Variants in MYH8 observed in about 807,000 individuals in gnomAD.
MYH8 encodes the protein myosin heavy chain 8.
Under a neutral mutation model 233.2 loss-of-function variants are expected in MYH8, and 168 were observed. The ratio of observed to expected loss-of-function variants is 0.72; its 90% CI spans 0.64 to 0.82. The LOEUF is 0.82. MYH8 is among the 40% of genes least tolerant of loss of function. The pLI, the probability that MYH8 is intolerant of heterozygous loss-of-function variation, is 0.00. For synonymous variants in MYH8, 785 were observed against 850.6 expected (o/e 0.92, Z 1.34); for missense variants, 1,995 against 2,327.8 (o/e 0.86, Z 2.94).
At chr17:10,391,557 G>A (rs967836618) in intron 39 of MYH8, among the ~76,000 whole-genome samples, 1 of 152,086 alleles carries the variant, frequency 6.6e-6, no homozygotes, top group Non-Finnish European at 1.5e-5. Flanking sequence ...GTGCATGCCT[G>A]TTGTCCCAGC....
chr17:10,420,760 A>G (rs2072331798), intron 2 of MYH8, among the ~76,000 whole-genome samples: 1 of 152,212 alleles, frequency 6.6e-6, no homozygotes, highest in Non-Finnish European at 1.5e-5. Flanking sequence ...TAACATCTTT[A>G]TGTTGATATT....
Position 10,417,342 on chromosome 17 carries a change from C to G in MYH8, c.511+1303G>C, listed in dbSNP as rs2072298020. Among the ~76,000 whole-genome samples, 1 of 152,158 alleles carries G rather than the reference C, an allele frequency of 6.6e-6. No individual in the cohort carries two copies. The highest frequency in any genetic ancestry group is 2.4e-5 in the African/African-American group (1 of 41,436). ...ATTTAGATGTAGATATAGACATAGA[C>G]TTTAGAAAACTTTAGCCTTCTCTTC... On this transcript the variant is annotated intron_variant, in intron 5 of 39. Transcript: ENST00000403437. The surrounding 1 kb of genome is among the most constrained non-coding windows in gnomAD (Gnocchi z 4.1).
rs550754244 is a variant in MYH8, at chr17:10,409,450, C to T, written c.1726G>A (p.Ala576Thr). The change falls in exon 16 of 40, where the codon GCT becomes ACT. Residue 576 changes from alanine (A) to threonine (T), a missense_variant. Ala to Thr is a moderately conservative substitution (Grantham distance 58). Coordinates refer to ENST00000403437, the MANE Select transcript of MYH8 (RefSeq NM_002472.3). The part of the protein sequence containing the change: ...FQKPKVVKGK[A>T]EAHFSLIHYA... ...TGAATCAGAGAGAAGTGGGCCTCAG[C>T]CTTGCCTTTGACCACCTTGGGCTTC... The T allele has an allele frequency of 5.6e-6, 9 of 1,614,092 alleles. No homozygotes were observed. In the Middle Eastern group the frequency reaches 6.6e-4, roughly 118 times the overall value.
intron 5 of MYH8, among the ~76,000 whole-genome samples, chr17:10,416,193 G>A (rs1302204201): frequency 6.6e-6 from 1 of 152,104 alleles, no homozygotes; most frequent in African/African-American, 2.4e-5. Flanking sequence ...TCATGTAAGA[G>A]GAATCATAGA....
Position 10,406,666 on chromosome 17 carries a change from T to G in MYH8, c.2171+24A>C. ...AATACATACTAATTCACAGTGTTAA[T>G]GAAATACATCAAAGAAGACTGACCT... On this transcript the variant is annotated intron_variant, in intron 19 of 39. Coordinates refer to ENST00000403437, the MANE Select transcript of MYH8 (RefSeq NM_002472.3). The G allele has an allele frequency of 1.9e-6, 3 of 1,585,794 alleles. No homozygotes were observed. In the South Asian group the frequency reaches 3.3e-5, roughly 18 times the overall value.
At position 10,400,386 on chromosome 17, in the gene MYH8, G is replaced by A; in HGVS notation, c.3735+4C>T. The A allele has an allele frequency of 6.2e-7, 1 of 1,611,988 alleles. No individual in the cohort carries two copies. Among genetic ancestry groups the A allele is most frequent in the Non-Finnish European group, 8.5e-7 (1 of 1,179,854 alleles). ...TACCTTCATTTAGAGACAGTATTGGGTACCTTGGCTTTGGAAATGGCCTCT... is the reference window on the plus strand; with the variant it reads ...TACCTTCATTTAGAGACAGTATTGGATACCTTGGCTTTGGAAATGGCCTCT... On this transcript the variant is annotated splice_donor_region_variant and intron_variant, in intron 27 of 39. Transcript: ENST00000403437. The surrounding 1 kb of genome is among the most constrained non-coding windows in gnomAD (Gnocchi z 4.0).
At chr17:10,407,663 AC>A (rs1324185869) in intron 17 of MYH8, among the ~76,000 whole-genome samples, 1 of 151,890 alleles carries the variant, frequency 6.6e-6, no homozygotes, top group East Asian at 1.9e-4. Context: ...ACGTAGTGAA[AC>A]CCCATCTCTA....
chr17:10,392,397 C>T, intron 38 of MYH8, 145 bp downstream of exon 38: 1 of 787,122 alleles, frequency 1.3e-6, no homozygotes, highest in South Asian at 1.5e-5. Context: ...TAGTATAGGT[C>T]TGTGATAAGC....
At position 10,412,618 on chromosome 17, in the gene MYH8, C is replaced by G; in HGVS notation, c.1258G>C (p.Val420Leu). The change falls in exon 13 of 40, where the codon GTG (valine) becomes CTG (leucine). Residue 420 changes from valine (V) to leucine (L), a missense_variant. This residue lies in a region of MYH8 where 479 missense variants were observed against 600.9 expected (regional missense o/e 0.80). Coordinates refer to ENST00000403437, the MANE Select transcript of MYH8 (RefSeq NM_002472.3). ...GNEYVTKGQT[V>L]QQVYNAVGAL... is the part of the protein sequence containing the mutation. ...TGAGGTCATGCACTTACCTGCTGCA[C>G]AGTCTGGCCTTTGGTGACATACTCA... 6.2e-7 allele frequency: 1 copy of G among 1,614,252 alleles called. No individual in the cohort carries two copies. Among genetic ancestry groups the G allele is most frequent in the Non-Finnish European group, 8.5e-7 (1 of 1,180,032 alleles).
At position 10,395,447 on chromosome 17, in the gene MYH8, CA is replaced by C; in HGVS notation, c.4654-7del. The C allele has an allele frequency of 6.2e-7, 1 of 1,613,782 alleles. No homozygotes were observed. The highest frequency in any genetic ancestry group is 8.5e-7 in the Non-Finnish European group (1 of 1,179,882). On this transcript the variant is annotated splice_region_variant and splice_polypyrimidine_tract_variant and intron_variant, in intron 33 of 39. Transcript: ENST00000403437. ...TCTTCATGTTCAAGAGATGCCTTAA[CA>C]AAACAGTGATCAATTAATAATGGAG...
intron 21 of MYH8, 24 bp from the exon 22 acceptor site, chr17:10,404,609 T>C: frequency 6.2e-7 from 1 of 1,613,574 alleles, no homozygotes; most frequent in Non-Finnish European, 8.5e-7. Flanking sequence ...AAAATATCAG[T>C]GTAGACTAAT....
chr17:10,403,597 G>GA (rs1282387991), intron 22 of MYH8, among the ~76,000 whole-genome samples: 2 of 152,104 alleles, frequency 1.3e-5, no homozygotes, highest in South Asian at 4.1e-4. Context: ...TGTGCTTTTG[G>GA]AAAAATGTAA....
chr17:10,394,351 G>C lies in MYH8; in HGVS notation c.5064C>G (p.Ile1688Met). Residue 1688 changes from isoleucine to methionine, a missense_variant, in exon 35 of 40, where the codon ATC becomes ATG. Physicochemically the swap from Ile to Met is conservative, Grantham distance 10. This residue lies in a region of MYH8 where 1,498 missense variants were observed against 1,680.9 expected (regional missense o/e 0.89). Transcript: ENST00000403437. Reference protein sequence around the residue: ...ERRANLLQAEIEELWATLEQT... With the variant: ...ERRANLLQAEMEELWATLEQT... ...GTTCCAGAGTGGCCCACAGCTCCTC[G>C]ATCTCAGCCTGCAGCAGGTTGGCTC... 4 of 1,614,052 alleles carry C rather than the reference G, an allele frequency of 2.5e-6. No individual in the cohort carries two copies. The highest frequency in any genetic ancestry group is 2.5e-6 in the Non-Finnish European group (3 of 1,180,010).
At chr17:10,404,003 C>T (rs2072165129) in intron 22 of MYH8, among the ~76,000 whole-genome samples, 1 of 152,062 alleles carries the variant, frequency 6.6e-6, no homozygotes, top group South Asian at 2.1e-4. Context: ...GAAAATAGAG[C>T]TATACTTTTA....
intron 19 of MYH8, 102 bp from the exon 20 acceptor site, chr17:10,406,499 A>G (rs1027296151): frequency 3.2e-6 from 5 of 1,559,510 alleles, no homozygotes; most frequent in Non-Finnish European, 4.4e-6. Flanking sequence ...AGTAGAAATA[A>G]AAGTGGAAAA....
Position 10,404,385 on chromosome 17 carries a change from T to A in MYH8, c.2633A>T (p.Glu878Val). 6.2e-7 allele frequency: 1 copy of A among 1,614,036 alleles called. No homozygotes were observed. The highest frequency in any genetic ancestry group is 1.6e-4 in the Middle Eastern group (1 of 6,062). Residue 878 changes from glutamate to valine, a missense_variant, in exon 22 of 40, where the codon GAA becomes GTA. Physicochemically the swap from Glu to Val is moderately radical, Grantham distance 121 (BLOSUM62 -2). Transcript: ENST00000403437. ...KSEAKRKELE[E>V]KMVTLLKEKN... Reference sequence around the variant, plus strand: ...CTCTTTTAAGAGAGTGACCATTTTTTCCTCTAGCTCCTTCCGTTTTGCCTC... The same window carrying A: ...CTCTTTTAAGAGAGTGACCATTTTTACCTCTAGCTCCTTCCGTTTTGCCTC...
intron 29 of MYH8, 61 bp downstream of exon 29, chr17:10,398,707 G>A (rs1242934102): frequency 6.2e-7 from 1 of 1,613,220 alleles, no homozygotes; most frequent in Non-Finnish European, 8.5e-7. Context: ...CACATCCCAA[G>A]TAGAGCCTAA....
At chr17:10,412,313 C>G in intron 14 of MYH8, 57 bp downstream of exon 14, 1 of 1,613,724 alleles carries the variant, frequency 6.2e-7, no homozygotes, top group Admixed American at 1.7e-5. Context: ...AATGATAATA[C>G]CTAATATATC....
Position 10,391,914 on chromosome 17 carries a change from C to T in MYH8, c.5632G>A (p.Val1878Met), listed in dbSNP as rs1415511860. The T allele has an allele frequency of 3.7e-6, 6 of 1,614,136 alleles. No homozygotes were observed. The South Asian group carries it at 5.5e-5, about 15-fold the overall frequency. Residue 1878 changes from valine (V) to methionine (M), a missense_variant, in exon 39 of 40, where the codon GTG (valine) becomes ATG (methionine). Physicochemically the swap from Val to Met is conservative, Grantham distance 21. Around this residue, in one of 3 missense-constraint regions of MYH8, gnomAD observed 1,498 missense variants for 1,680.9 expected, o/e 0.89. Transcript: ENST00000403437. ...TCAGCTTGTCTCTTGTATGATTTCA[C>T]CTTCGCCTGTAATTTATCTACCAAG... The part of the protein sequence containing the change: ...QDLVDKLQAK[V>M]KSYKRQAEEA...
Sources: gnomAD v4.1 joint callset for allele counts (sites outside exome capture counted in the v4.1 genomes callset) on GRCh38, gnomAD v4.1.1 for gene constraint, gnomAD v4.1.1 regional missense constraint, Gnocchi (gnomAD v3.1) non-coding constraint, MANE v1.5 for transcripts, NCBI Gene and HGNC (gene_info 2026-07-23, HGNC 2026-07-21) for gene names.